The following PECR variants were observed in gnomAD, a reference collection of about 807,000 sequenced individuals.
PECR encodes the protein 2,4-dienoyl-CoA reductase-related protein.
Under a neutral mutation model 35.3 loss-of-function variants are expected in PECR, and 30 were observed. The observed-to-expected ratio is 0.85, with a 90% CI of 0.64 to 1.15. The LOEUF is 1.15. Among genes scored for constraint, PECR ranks in the 50% most tolerant of loss-of-function variants. The pLI, the probability that PECR is intolerant of heterozygous loss-of-function variation, is 0.00. For missense variants in PECR, 392 were observed against 370.8 expected, an observed-to-expected ratio of 1.06 and a Z score of -0.47; for synonymous variants, 148 against 138.9, an observed-to-expected ratio of 1.07 and a Z score of -0.46.
Position 216,071,299 on chromosome 2 carries a change from T to G in PECR, c.125-4781A>C, listed in dbSNP as rs576814256. ...GGCATGCCGTTGCCAAAGCATCTGC[T>G]CCACAAGCTGTAACTCAGCTTCTGC... On this transcript the variant is annotated intron_variant, in intron 1 of 7. Transcript: ENST00000265322. Among the ~76,000 whole-genome samples, 5 of 152,314 alleles carry G rather than the reference T, an allele frequency of 3.3e-5. No homozygotes were observed. In the South Asian group the frequency reaches 1.0e-3, roughly 32 times the overall value.
At position 216,049,345 on chromosome 2, in the gene PECR, TC is replaced by T; in HGVS notation, c.631del (p.Glu211ArgfsTer83). Reference sequence around the variant, plus strand: ...GCTTTGTCCCCAGGAACCATAGTTCTCCACAGCAGTCTGGGAATAAATAACT... The same window carrying T: ...GCTTTGTCCCCAGGAACCATAGTTCTCACAGCAGTCTGGGAATAAATAACT... ...PGVIYSQTAV[E>X]NYGSWGQSFF... On this transcript the variant is annotated frameshift_variant, in exon 6 of 8. Coordinates refer to ENST00000265322, the MANE Select transcript of PECR (RefSeq NM_018441.6). LOFTEE classifies it high-confidence loss of function. 6.3e-7 allele frequency: 1 copy of T among 1,578,472 alleles called. No individual in the cohort carries two copies. Among genetic ancestry groups the T allele is most frequent in the Non-Finnish European group, 8.7e-7 (1 of 1,147,492 alleles).
At chr2:216,033,845 G>T (rs964875711), downstream of PECR, 5 of 152,212 alleles carry the variant, frequency 3.3e-5, no homozygotes, top group Non-Finnish European at 5.9e-5. Flanking sequence ...CCCACAGAGG[G>T]CCTTGGTTAC....
At chr2:216,032,761 A>C (rs1465764305) in intron 7 of PECR, 1 of 152,188 alleles carries the variant, frequency 6.6e-6, no homozygotes, top group Non-Finnish European at 1.5e-5. Context: ...TTTTGGGCTC[A>C]ATAATTGCTA....
intron 1 of PECR, among the ~76,000 whole-genome samples, chr2:216,069,988 T>C (rs1418122598): frequency 6.8e-6 from 1 of 147,156 alleles, no homozygotes; most frequent in Non-Finnish European, 1.5e-5. Context: ...ATTGAAAGTA[T>C]AAAGGATAAA....
downstream of PECR, among the ~76,000 whole-genome samples, chr2:216,036,065 C>T (rs1020765652): frequency 6.6e-6 from 1 of 152,232 alleles, no homozygotes; most frequent in African/African-American, 2.4e-5. Context: ...CTATAGAAAG[C>T]CTGAACCATA....
At chr2:216,077,806 CAAAAA>C (rs10596402) in intron 1 of PECR, among the ~76,000 whole-genome samples, 1 of 73,462 alleles carries the variant, frequency 1.4e-5, no homozygotes, top group African/African-American at 4.3e-5. Flanking sequence ...GACTCCGTCT[CAAAAA>C]AAAAAAAAAA....
intron 4 of PECR, 59 bp from the exon 5 acceptor site, chr2:216,051,604 A>T (rs1258724753): frequency 6.4e-6 from 7 of 1,090,184 alleles, no homozygotes; most frequent in Admixed American, 1.7e-5. Flanking sequence ...TCTCTTGTTC[A>T]TCAAGCTCAC....
chr2:216,068,167 C>T (rs1378286014), intron 1 of PECR, among the ~76,000 whole-genome samples: 1 of 131,292 alleles, frequency 7.6e-6, no homozygotes, highest in Non-Finnish European at 1.5e-5. Context: ...GCAGATGTTA[C>T]AGGAGCTGAG....
chr2:216,051,614 C>G, intron 4 of PECR, 69 bp from the exon 5 acceptor site: 1 of 965,368 alleles, frequency 1.0e-6, no homozygotes, highest in African/African-American at 1.6e-5. Context: ...ATCAAGCTCA[C>G]AAGTGTGCCA....
chr2:216,040,041 C>G (rs1158275299), intron 7 of PECR, among the ~76,000 whole-genome samples: 1 of 152,122 alleles, frequency 6.6e-6, no homozygotes. Flanking sequence ...CACATAGAAA[C>G]AGCAGGCAGC....
chr2:216,043,680 A>G (rs1411517522), intron 7 of PECR, among the ~76,000 whole-genome samples: 1 of 152,174 alleles, frequency 6.6e-6, no homozygotes, highest in Non-Finnish European at 1.5e-5. Context: ...CCACCAACCT[A>G]TGCATGCACA....
At position 216,041,145 on chromosome 2, in the gene PECR, G is replaced by A. The variant is rs539316852; in HGVS notation, c.827-1785C>T. 3.6e-4 allele frequency among the ~76,000 whole-genome samples: 55 copies of A among 152,258 alleles called. 1 individual carries two copies. The South Asian group carries it at 0.01, about 29-fold the overall frequency. On this transcript the variant is annotated intron_variant, in intron 7 of 7. Transcript: ENST00000265322. ...ATATTCTTAAAAGATAGATGTACCC[G>A]CTTTCCTCAAAAACTGAAAAAAATA...
chr2:216,075,666 A>G (rs192615099), intron 1 of PECR, among the ~76,000 whole-genome samples: 168 of 152,316 alleles, frequency 1.1e-3, no homozygotes, highest in African/African-American at 3.8e-3. Context: ...TAGCTTGTGG[A>G]TAAGGAGTTC....
intron 6 of PECR, among the ~76,000 whole-genome samples, chr2:216,045,824 C>A (rs1694977708): frequency 6.6e-6 from 1 of 152,226 alleles, no homozygotes; most frequent in Non-Finnish European, 1.5e-5. Flanking sequence ...ATCCAGACAA[C>A]AACCATCCCA....
At chr2:216,077,825 A>T (rs916396254) in intron 1 of PECR, among the ~76,000 whole-genome samples, 11 of 151,042 alleles carry the variant, frequency 7.3e-5, no homozygotes, top group Non-Finnish European at 1.5e-4. Flanking sequence ...AAAAAAAAAA[A>T]ATATGGATTA....
At chr2:216,061,073 C>T (rs1695335762) in intron 3 of PECR, among the ~76,000 whole-genome samples, 1 of 142,668 alleles carries the variant, frequency 7.0e-6, no homozygotes, top group South Asian at 2.2e-4. Flanking sequence ...GGATGGATGG[C>T]TTCAGCCCAG....
Position 216,051,492 on chromosome 2 carries a change from A to G in PECR, c.560T>C (p.Leu187Ser). ...GVYNLTKSLA[L>S]EWACSGIRIN... is the part of the protein sequence containing the mutation. ...CCGTATTCCACTGCAGGCCCATTCCAAAGCTAAAGATTTGGTGAGGTTGTA... is the reference window on the plus strand; with the variant it reads ...CCGTATTCCACTGCAGGCCCATTCCGAAGCTAAAGATTTGGTGAGGTTGTA... The change falls in exon 5 of 8, where the codon TTG (leucine) becomes TCG (serine). Residue 187 changes from leucine (L) to serine (S), a missense_variant. Coordinates refer to ENST00000265322, the MANE Select transcript of PECR (RefSeq NM_018441.6). The G allele has an allele frequency of 6.2e-7, 1 of 1,613,486 alleles. No individual in the cohort carries two copies. The highest frequency in any genetic ancestry group is 8.5e-7 in the Non-Finnish European group (1 of 1,179,402).
intron 1 of PECR, among the ~76,000 whole-genome samples, chr2:216,066,851 C>A (rs1695477073): frequency 6.6e-6 from 1 of 152,048 alleles, no homozygotes; most frequent in Non-Finnish European, 1.5e-5. Context: ...CTGCACCTGG[C>A]CATGCGTGTT....
Position 216,057,708 on chromosome 2 carries a change from C to G in PECR, c.506+1187G>C, listed in dbSNP as rs1389860636. On this transcript the variant is annotated intron_variant, in intron 4 of 7. Coordinates refer to ENST00000265322, the MANE Select transcript of PECR (RefSeq NM_018441.6). ...ACATTGATTTCCACTTGAGGAAGTA[C>G]CTCTTGCCTGTTCTCAGTCCATGTC... 3.3e-5 allele frequency: 5 copies of G among 152,088 alleles called. No homozygotes were observed. In the South Asian group the frequency reaches 1.0e-3, roughly 32 times the overall value. 9.4% of individuals were successfully genotyped at this position (152,088 alleles called of 1,614,324 possible). A position where few individuals can be genotyped will look rare whatever the true frequency, so the allele number is the denominator to read the frequency against.
Sources: gnomAD v4.1 joint callset for allele counts (sites outside exome capture counted in the v4.1 genomes callset) on GRCh38, gnomAD v4.1.1 for gene constraint, MANE v1.5 for transcripts, NCBI Gene and HGNC (gene_info 2026-07-23, HGNC 2026-07-21) for gene names.